Variants in XIRP2 observed in about 807,000 individuals in gnomAD.
XIRP2 encodes xin actin binding repeat containing 2.
XIRP2 carries 236 observed loss-of-function variants against 277.0 expected under a neutral mutation model. That is an observed-to-expected ratio of 0.85 (90% CI 0.77 to 0.95). The LOEUF (loss-of-function observed/expected upper bound fraction) is 0.95. Among genes scored for constraint, XIRP2 ranks in the 40% least tolerant of loss-of-function variants. The probability of loss-of-function intolerance (pLI) is 0.00; values close to 1 mark genes in which losing one functional copy is unlikely to be tolerated. For missense variants in XIRP2, 4,640 were observed against 4,157.5 expected, an observed-to-expected ratio of 1.12 and a Z score of -3.19; for synonymous variants, 1,490 against 1,416.5, an observed-to-expected ratio of 1.05 and a Z score of -1.17.
chr2:167,227,645 C>T (rs967292141), intron 5 of XIRP2, among the ~76,000 whole-genome samples: 3 of 151,848 alleles, frequency 2.0e-5, no homozygotes, highest in Admixed American at 2.0e-4. Flanking sequence ...TGTTCAAAGC[C>T]ACAGTAAGCC....
intron 2 of XIRP2, among the ~76,000 whole-genome samples, chr2:167,073,891 C>T (rs995948098): frequency 6.6e-6 from 1 of 152,120 alleles, no homozygotes; most frequent in Non-Finnish European, 1.5e-5. Flanking sequence ...ATTGTCAAAG[C>T]AAGTCTTAAG....
chr2:167,179,312 C>A (rs1319758366), intron 3 of XIRP2, among the ~76,000 whole-genome samples: 1 of 141,618 alleles, frequency 7.1e-6, no homozygotes, highest in Non-Finnish European at 1.5e-5. Context: ...TAATCATTTT[C>A]TTTTTTTCTT....
intron 2 of XIRP2, among the ~76,000 whole-genome samples, chr2:166,924,699 A>G (rs1685139672): frequency 6.6e-6 from 1 of 152,038 alleles, no homozygotes; most frequent in Non-Finnish European, 1.5e-5. Flanking sequence ...ATAACAGAAC[A>G]TACCTTTTCC....
intron 2 of XIRP2, among the ~76,000 whole-genome samples, chr2:167,029,945 G>A (rs921372230): frequency 2.6e-5 from 4 of 152,096 alleles, no homozygotes; most frequent in African/African-American, 7.2e-5. Context: ...TCTTGGGAGT[G>A]TGTATGTGTC....
At chr2:167,255,836 C>T (rs1695640215) in intron 10 of XIRP2, among the ~76,000 whole-genome samples, 1 of 151,858 alleles carries the variant, frequency 6.6e-6, no homozygotes, top group South Asian at 2.1e-4. Flanking sequence ...TGAATTCTTA[C>T]ATGCTGATAA....
rs117564395 is a variant in XIRP2, at chr2:167,071,334, C to G, written c.409-64575C>G. ...TGAATTAACAAAGTTAAAACATTTT[C>G]CTGCAAACATCTACACCAAAAAAAT... is the stretch of plus-strand genomic sequence containing the variant. On this transcript the variant is annotated intron_variant, in intron 2 of 10. Transcript: ENST00000409195. Among the ~76,000 whole-genome samples, 220 of 144,990 alleles carry G rather than the reference C, an allele frequency of 1.5e-3. 8 individuals carry two copies. In the East Asian group the frequency reaches 0.039, roughly 26 times the overall value.
At position 167,244,221 on chromosome 2, in the gene XIRP2, A is replaced by C; in HGVS notation, c.2829A>C (p.Gly943=). 1 of 1,613,646 alleles carries C rather than the reference A, an allele frequency of 6.2e-7. No individual in the cohort carries two copies. The highest frequency in any genetic ancestry group is 8.5e-7 in the Non-Finnish European group (1 of 1,179,842). ...RTVKLEEVDR[G]DVKNYTHIFE... is the part of the protein sequence containing the mutation. ...TGAAACTTGAAGAAGTTGACAGAGG[A>C]GATGTGAAGAATTACACACATATCT... is the stretch of plus-strand genomic sequence containing the variant. The change falls in exon 9 of 11, where the codon GGA becomes GGC. Residue 943 remains glycine (G), a synonymous_variant. Coordinates refer to ENST00000409195, the MANE Select transcript of XIRP2 (RefSeq NM_152381.6).
intron 2 of XIRP2, among the ~76,000 whole-genome samples, chr2:166,985,431 TTTTC>T (rs1257626272): frequency 7.6e-4 from 115 of 151,826 alleles, no homozygotes; most frequent in African/African-American, 2.7e-3. Context: ...TCTAAAAATC[TTTTC>T]TTTCTTTTTT....
chr2:167,238,652 T>C (rs2105427146), intron 5 of XIRP2, among the ~76,000 whole-genome samples: 1 of 152,326 alleles, frequency 6.6e-6, no homozygotes, highest in South Asian at 2.1e-4. Context: ...TTTTAATTAA[T>C]AATGATAATA....
chr2:167,045,167 A>G (rs902945388), intron 2 of XIRP2, among the ~76,000 whole-genome samples: 2 of 152,154 alleles, frequency 1.3e-5, no homozygotes, highest in Non-Finnish European at 2.9e-5. Flanking sequence ...TTTCCTAATC[A>G]ATAAATGGTG....
chr2:166,967,040 A>C (rs1165412430), intron 2 of XIRP2, among the ~76,000 whole-genome samples: 1 of 151,944 alleles, frequency 6.6e-6, no homozygotes, highest in Non-Finnish European at 1.5e-5. Context: ...ATTACTGTGC[A>C]TATGTATTCT....
At chr2:166,941,558 G>A (rs1457281137) in intron 2 of XIRP2, among the ~76,000 whole-genome samples, 1 of 152,140 alleles carries the variant, frequency 6.6e-6, no homozygotes, top group Non-Finnish European at 1.5e-5. Flanking sequence ...CTGTAGACTG[G>A]AGCTGTTCCT....
At chr2:167,152,495 T>C (rs1380000637) in intron 3 of XIRP2, among the ~76,000 whole-genome samples, 2 of 152,146 alleles carry the variant, frequency 1.3e-5, no homozygotes, top group Non-Finnish European at 2.9e-5. Context: ...AAACTTATAT[T>C]AAATCCACTT....
chr2:167,075,927 C>T (rs541245205), intron 2 of XIRP2, among the ~76,000 whole-genome samples: 19 of 151,974 alleles, frequency 1.3e-4, no homozygotes, highest in Middle Eastern at 3.4e-3. Context: ...CCGCTCGCCT[C>T]GGCCTCCCAA....
At chr2:166,980,261 A>G (rs886973838) in intron 2 of XIRP2, among the ~76,000 whole-genome samples, 3 of 152,092 alleles carry the variant, frequency 2.0e-5, no homozygotes, top group African/African-American at 7.2e-5. Flanking sequence ...GTTTTTATAA[A>G]TAAGTTTTGT....
intron 2 of XIRP2, among the ~76,000 whole-genome samples, chr2:167,089,064 C>G (rs1690063354): frequency 6.6e-6 from 1 of 152,102 alleles, no homozygotes; most frequent in South Asian, 2.1e-4. Flanking sequence ...AGTTACCCTG[C>G]TACCACAATC....
At chr2:167,257,402 A>T (rs779775855) in intron 10 of XIRP2, among the ~76,000 whole-genome samples, 4 of 151,998 alleles carry the variant, frequency 2.6e-5, no homozygotes, top group Non-Finnish European at 5.9e-5. Flanking sequence ...TAAATCACTC[A>T]ATTTGTTAAT....
chr2:167,024,528 T>C (rs1688092546), intron 2 of XIRP2, among the ~76,000 whole-genome samples: 1 of 152,188 alleles, frequency 6.6e-6, no homozygotes, highest in Non-Finnish European at 1.5e-5. Context: ...CCCTGTCTTG[T>C]GCCAGTTTTC....
intron 2 of XIRP2, among the ~76,000 whole-genome samples, chr2:167,035,954 G>T (rs1321741310): frequency 1.3e-5 from 2 of 152,256 alleles, no homozygotes; most frequent in African/African-American, 2.4e-5. Flanking sequence ...GCTTCAGAGG[G>T]TGGAAGCCCC....
Sources: allele counts gnomAD v4.1 joint callset (sites outside exome capture counted in the v4.1 genomes callset), GRCh38; gene constraint gnomAD v4.1.1; transcripts MANE v1.5; gene names NCBI Gene and HGNC (gene_info 2026-07-23, HGNC 2026-07-21).